Variants in DAB1 observed in about 807,000 individuals in gnomAD.
The protein encoded by DAB1 is disabled homolog 1.
A neutral mutation model predicts 64.6 loss-of-function variants in DAB1; 15 were observed. That is an observed-to-expected ratio of 0.23 (90% CI 0.16 to 0.36). DAB1 has a LOEUF of 0.36. DAB1 is among the 10% of genes least tolerant of loss of function. The pLI is 1.00. For missense variants in DAB1, 596 were observed against 706.7 expected (o/e 0.84, Z 1.78); for synonymous variants, 235 against 251.9 (o/e 0.93, Z 0.64).
At chr1:57,269,863 G>T (rs762078401) in intron 2 of DAB1, among the ~76,000 whole-genome samples, 11 of 152,180 alleles carry the variant, frequency 7.2e-5, no homozygotes, top group Non-Finnish European at 1.6e-4. Context: ...GGAGGTAGCA[G>T]ACAATCATTT....
chr1:58,191,915 C>T (rs1657409403), intron 4 of DAB1, among the ~76,000 whole-genome samples: 1 of 152,188 alleles, frequency 6.6e-6, no homozygotes, highest in Non-Finnish European at 1.5e-5. Context: ...ATGTGACCAC[C>T]TGCAATAAAA....
chr1:58,386,603 T>G (rs1400581477), intron 3 of DAB1, among the ~76,000 whole-genome samples: 1 of 152,184 alleles, frequency 6.6e-6, no homozygotes, highest in Non-Finnish European at 1.5e-5. Context: ...CTTACTACTT[T>G]CTAGTTCTAT....
At chr1:57,928,219 T>C (rs1644906605) in intron 5 of DAB1, among the ~76,000 whole-genome samples, 1 of 152,142 alleles carries the variant, frequency 6.6e-6, no homozygotes. Context: ...AAAAAGTTCC[T>C]CAAGCACATT....
intron 5 of DAB1, among the ~76,000 whole-genome samples, chr1:58,067,774 G>A (rs554494863): frequency 6.6e-6 from 1 of 152,286 alleles, no homozygotes; most frequent in Non-Finnish European, 1.5e-5. Context: ...TCTCCTTATA[G>A]GCCTCAACCA....
At chr1:58,300,592 GAAAGAAAGAAAGAAAGAA>G (rs1557726000) in intron 4 of DAB1, among the ~76,000 whole-genome samples, 4,407 of 33,424 alleles carry the variant, frequency 0.13, 287 homozygotes, top group East Asian at 0.26. Context: ...AAGAAAGAAA[GAAAGAAAGAAAGAAAGAA>G]AGAGAGAGAG....
intron 3 of DAB1, among the ~76,000 whole-genome samples, chr1:58,396,340 C>A (rs889685936): frequency 6.6e-6 from 1 of 152,058 alleles, no homozygotes; most frequent in Non-Finnish European, 1.5e-5. Flanking sequence ...CAAAGTGTTT[C>A]TCATTGTTAG....
chr1:58,296,191 GAAAGAGAA>G (rs1308561555), intron 4 of DAB1, among the ~76,000 whole-genome samples: 4 of 112,626 alleles, frequency 3.6e-5, no homozygotes, highest in African/African-American at 1.3e-4. Flanking sequence ...GAAAGAGAAA[GAAAGAGAA>G]AGAAAGAAAG....
At chr1:57,693,664 T>C (rs1036060374) in intron 6 of DAB1, among the ~76,000 whole-genome samples, 2 of 152,186 alleles carry the variant, frequency 1.3e-5, no homozygotes, top group African/African-American at 4.8e-5. Context: ...CTGCTCACTC[T>C]TTGGGTCTGC....
chr1:58,328,310 A>C (rs886121997), intron 4 of DAB1, among the ~76,000 whole-genome samples: 12 of 152,202 alleles, frequency 7.9e-5, no homozygotes, highest in African/African-American at 2.7e-4. Context: ...TAGCTCTCAA[A>C]GCAGCCCTGC....
chr1:58,006,194 A>T (rs140694752), intron 5 of DAB1, among the ~76,000 whole-genome samples: 147 of 152,318 alleles, frequency 9.7e-4, no homozygotes, highest in Middle Eastern at 3.4e-3. Flanking sequence ...AATATTTATC[A>T]ATTTAACATT....
intron 5 of DAB1, among the ~76,000 whole-genome samples, chr1:57,911,603 A>G (rs1644645639): frequency 6.6e-6 from 1 of 152,172 alleles, no homozygotes; most frequent in Admixed American, 6.5e-5. Context: ...TCAGTCATAC[A>G]GAGTCCACTC....
chr1:58,391,744 C>T (rs989239389), intron 3 of DAB1, among the ~76,000 whole-genome samples: 2 of 152,230 alleles, frequency 1.3e-5, no homozygotes, highest in Non-Finnish European at 2.9e-5. Context: ...CATCCACCCT[C>T]TTACTGCTTC....
intron 3 of DAB1, among the ~76,000 whole-genome samples, chr1:58,350,501 G>A (rs1218675608): frequency 6.6e-6 from 1 of 152,078 alleles, no homozygotes; most frequent in Admixed American, 6.5e-5. Context: ...TGTTGCCATT[G>A]CTTTTGGTGT....
intron 5 of DAB1, chr1:58,049,176 G>T: frequency 2.6e-6 from 2 of 773,468 alleles, no homozygotes; most frequent in Non-Finnish European, 4.7e-6. Context: ...GTCCGTGAGC[G>T]TTCCCTATTG....
At chr1:58,196,523 C>A (rs1657685348) in intron 4 of DAB1, among the ~76,000 whole-genome samples, 1 of 152,108 alleles carries the variant, frequency 6.6e-6, no homozygotes, top group Non-Finnish European at 1.5e-5. Context: ...TATATTAATC[C>A]ATTTTCACAC....
chr1:57,874,964 T>C (rs1644018570), intron 1 of DAB1: 1 of 152,160 alleles, frequency 6.6e-6, no homozygotes, highest in African/African-American at 2.4e-5. Flanking sequence ...ATTCACTGCT[T>C]AGTTTAAGAT....
chr1:57,643,018 G>A (rs1558569275), intron 7 of DAB1, among the ~76,000 whole-genome samples: 1 of 152,190 alleles, frequency 6.6e-6, no homozygotes, highest in Non-Finnish European at 1.5e-5. Flanking sequence ...GACAATGGGG[G>A]AACAGCCAGC....
chr1:57,820,438 A>G (rs1401977218), intron 6 of DAB1, among the ~76,000 whole-genome samples: 2 of 152,150 alleles, frequency 1.3e-5, no homozygotes, highest in Non-Finnish European at 2.9e-5. Flanking sequence ...AAAAAAAAAA[A>G]TTAAATCCAG....
intron 7 of DAB1, among the ~76,000 whole-genome samples, chr1:57,588,730 G>A (rs908582967): frequency 2.0e-5 from 3 of 152,122 alleles, no homozygotes; most frequent in South Asian, 2.1e-4. Flanking sequence ...AAACAAAATA[G>A]ACAGACCAAA....
Sources: gnomAD v4.1 joint callset for allele counts (sites outside exome capture counted in the v4.1 genomes callset) on GRCh38, gnomAD v4.1.1 for gene constraint, MANE v1.5 for transcripts, NCBI Gene and HGNC (gene_info 2026-07-23, HGNC 2026-07-21) for gene names.